B9D1: variants seen among roughly 807,000 people sequenced by gnomAD.
B9D1 encodes the protein B9 domain containing 1.
In B9D1, 20 loss-of-function variants were observed where a neutral mutation model predicts 26.1. The observed-to-expected ratio is 0.77, with a 90% CI of 0.54 to 1.12. B9D1 has a LOEUF of 1.12. Ranked by LOEUF, B9D1 falls within the 50% of genes most tolerant of loss-of-function variation. The probability of loss-of-function intolerance (pLI) is 0.00; values close to 1 mark genes in which losing one functional copy is unlikely to be tolerated. For synonymous variants in B9D1, 105 were observed against 103.1 expected, an observed-to-expected ratio of 1.02 and a Z score of -0.11; for missense variants, 260 against 273.7, an observed-to-expected ratio of 0.95 and a Z score of 0.35.
downstream of B9D1, among the ~76,000 whole-genome samples, chr17:19,342,131 C>G (rs900201884): frequency 1.3e-5 from 2 of 152,220 alleles, no homozygotes; most frequent in Admixed American, 1.3e-4. Flanking sequence ...GCTCACCGCA[C>G]ATGGGGAGTG....
chr17:19,339,071 A>AC (rs148551177), downstream of B9D1, among the ~76,000 whole-genome samples: 2,118 of 152,142 alleles, frequency 0.014, 34 homozygotes, highest in South Asian at 0.066. Context: ...TGGGAGAGCC[A>AC]CCCCCTTAAT....
At chr17:19,362,748 T>C (rs2152279272), upstream of B9D1, 2 of 1,504,122 alleles carry the variant, frequency 1.3e-6, no homozygotes, top group East Asian at 2.6e-5. Flanking sequence ...CGGGCGCCGT[T>C]ATAAGGGGGC....
At position 19,347,798 on chromosome 17, in the gene B9D1, G is replaced by T. The variant is rs1486453111; in HGVS notation, c.327C>A (p.Pro109=). The change falls in exon 4 of 7, where the codon CCC becomes CCA. Residue 109 remains proline, a synonymous_variant. Transcript: ENST00000261499. The surrounding 1 kb of genome is among the most constrained non-coding windows in gnomAD (Gnocchi z 4.3). ...TGAGGACCTACCGGCCAGGTGAGAAGGGCACGTGCACGGCCCCATAGCCTC... is the reference window on the plus strand; with the variant it reads ...TGAGGACCTACCGGCCAGGTGAGAATGGCACGTGCACGGCCCCATAGCCTC... ...VVRGYGAVHV[P]FSPGRHKRTI... 6.2e-7 allele frequency: 1 copy of T among 1,613,958 alleles called. No homozygotes were observed. Among genetic ancestry groups the T allele is most frequent in the Non-Finnish European group, 8.5e-7 (1 of 1,179,966 alleles).
At chr17:19,344,287 A>T (rs1598048464) in intron 5 of B9D1, among the ~76,000 whole-genome samples, 1 of 152,108 alleles carries the variant, frequency 6.6e-6, no homozygotes, top group Non-Finnish European at 1.5e-5. Context: ...AGGGGGTCCC[A>T]CCCCAGAGAG....
chr17:19,335,563 G>A, downstream of B9D1: 1 of 1,348,684 alleles, frequency 7.4e-7, no homozygotes, highest in African/African-American at 1.5e-5. Flanking sequence ...GCGTGGGGTG[G>A]GGGGTGCTTC....
At chr17:19,340,057 G>A (rs1461378944), downstream of B9D1, among the ~76,000 whole-genome samples, 1 of 114,752 alleles carries the variant, frequency 8.7e-6, no homozygotes, top group Non-Finnish European at 1.7e-5. Context: ...CCGGCTTCCC[G>A]GGCACTCGCG....
At chr17:19,337,855 C>T (rs1421905782), downstream of B9D1, 2 of 501,168 alleles carry the variant, frequency 4.0e-6, no homozygotes, top group Non-Finnish European at 7.7e-6. Flanking sequence ...CCTCGGCCCC[C>T]ATCCAGATGT....
chr17:19,353,735 G>C (rs1312770655), intron 3 of B9D1, among the ~76,000 whole-genome samples: 1 of 152,162 alleles, frequency 6.6e-6, no homozygotes, highest in Non-Finnish European at 1.5e-5. Flanking sequence ...GAGGTCAGGA[G>C]TTCGAGACCA....
intron 1 of B9D1, chr17:19,377,782 G>A (rs1200364100): frequency 3.1e-6 from 3 of 969,746 alleles, no homozygotes; most frequent in Non-Finnish European, 3.7e-6. Flanking sequence ...CAGAGGTTGG[G>A]CGGCCGCCTC....
intron 3 of B9D1, among the ~76,000 whole-genome samples, chr17:19,355,763 GGCAGAGCTT>G (rs955366812): frequency 1.1e-4 from 16 of 152,102 alleles, no homozygotes; most frequent in Non-Finnish European, 1.5e-5. Flanking sequence ...GAACCCAGGA[GGCAGAGCTT>G]GCAGTGAGCT....
chr17:19,337,372 C>T (rs1387215767), downstream of B9D1, among the ~76,000 whole-genome samples: 2 of 152,162 alleles, frequency 1.3e-5, no homozygotes, highest in South Asian at 2.1e-4. Flanking sequence ...GAGGCAAGGC[C>T]GAGGCAGAGG....
intron 1 of B9D1, among the ~76,000 whole-genome samples, chr17:19,374,223 TG>T (rs1457990764): frequency 6.6e-6 from 1 of 152,202 alleles, no homozygotes; most frequent in Non-Finnish European, 1.5e-5. Flanking sequence ...CGGCCTGTGC[TG>T]GGGAGGCTGT....
chr17:19,368,402 A>C (rs1321308524), intron 1 of B9D1, among the ~76,000 whole-genome samples: 1 of 152,176 alleles, frequency 6.6e-6, no homozygotes, highest in African/African-American at 2.4e-5. Context: ...TAGTCAGCAG[A>C]CAGAGCTGAG....
At chr17:19,346,682 G>C (rs1233134148) in intron 5 of B9D1, among the ~76,000 whole-genome samples, 1 of 152,182 alleles carries the variant, frequency 6.6e-6, no homozygotes, top group Non-Finnish European at 1.5e-5. Context: ...GCCCCTGCCT[G>C]CCTCCCTGAT....
Position 19,347,268 on chromosome 17 carries a change from C to A in B9D1, c.404+1G>T. The A allele has an allele frequency of 6.2e-7, 1 of 1,614,202 alleles. No homozygotes were observed. Among genetic ancestry groups the A allele is most frequent in the African/African-American group, 1.3e-5 (1 of 75,046 alleles). ...GCTGGGGTTATGGGTACAAAACTCA[C>A]CTTGTAAACTTCTGCAGTTTAGACG... On this transcript the variant is annotated splice_donor_variant, in intron 5 of 6. Transcript: ENST00000261499. LOFTEE classifies it high-confidence loss of function. This position sits in a 1 kb window ranked among gnomAD's most constrained non-coding sequence, Gnocchi z 4.3.
chr17:19,343,716 C>G (rs1232934525), intron 6 of B9D1, 74 bp downstream of exon 6: 1 of 1,613,446 alleles, frequency 6.2e-7, no homozygotes, highest in Non-Finnish European at 8.5e-7. Flanking sequence ...GCATTCACCC[C>G]AACCCTGGGC....
chr17:19,346,405 C>T (rs929931032), intron 5 of B9D1, among the ~76,000 whole-genome samples: 2 of 152,268 alleles, frequency 1.3e-5, no homozygotes, highest in Admixed American at 6.5e-5. Flanking sequence ...TGGTCTCACG[C>T]CCAGTACTGG....
chr17:19,339,613 T>C (rs1381740941), downstream of B9D1, among the ~76,000 whole-genome samples: 1 of 152,242 alleles, frequency 6.6e-6, no homozygotes, highest in African/African-American at 2.4e-5. Flanking sequence ...TCTCATTGGC[T>C]GAGCACAGTA....
intron 3 of B9D1, among the ~76,000 whole-genome samples, chr17:19,354,059 A>G (rs1056876907): frequency 4.6e-5 from 7 of 152,338 alleles, no homozygotes; most frequent in Middle Eastern, 3.4e-3. Context: ...ATTATCATTC[A>G]ATTCAAAATT....
Sources: gnomAD v4.1 joint callset for allele counts (sites outside exome capture counted in the v4.1 genomes callset) on GRCh38, gnomAD v4.1.1 for gene constraint, Gnocchi (gnomAD v3.1) non-coding constraint, MANE v1.5 for transcripts, NCBI Gene and HGNC (gene_info 2026-07-23, HGNC 2026-07-21) for gene names.